HDAC9: variants seen among roughly 807,000 people sequenced by gnomAD.
HDAC9 encodes the protein MEF-2 interacting transcription repressor (MITR) protein.
Under a neutral mutation model 139.4 loss-of-function variants are expected in HDAC9, and 41 were observed. The observed-to-expected ratio is 0.29, with a 90% CI of 0.23 to 0.38. HDAC9 has a LOEUF of 0.38. Ranked by LOEUF, HDAC9 falls within the 10% of genes least tolerant of loss-of-function variation. The pLI, the probability that HDAC9 is intolerant of heterozygous loss-of-function variation, is 1.00. For missense variants in HDAC9, 1,147 were observed against 1,297.0 expected, an observed-to-expected ratio of 0.88 and a Z score of 1.78; for synonymous variants, 517 against 476.2, an observed-to-expected ratio of 1.09 and a Z score of -1.12.
intron 24 of HDAC9, among the ~76,000 whole-genome samples, chr7:18,970,592 T>C (rs1052168803): frequency 6.6e-6 from 1 of 152,176 alleles, no homozygotes; most frequent in Admixed American, 6.5e-5. Flanking sequence ...ATTTAAACAA[T>C]GTTTTGGATC....
At chr7:18,122,958 T>C (rs1784446962) in intron 1 of HDAC9, among the ~76,000 whole-genome samples, 1 of 152,208 alleles carries the variant, frequency 6.6e-6, no homozygotes, top group Non-Finnish European at 1.5e-5. Flanking sequence ...TTTTTTTCTT[T>C]ATTTGAGGGC....
chr7:18,781,196 A>C (rs1791218018), intron 16 of HDAC9, among the ~76,000 whole-genome samples: 1 of 151,898 alleles, frequency 6.6e-6, no homozygotes, highest in Non-Finnish European at 1.5e-5. Flanking sequence ...TTTAACCTTA[A>C]TTACCTTTTC....
intron 12 of HDAC9, among the ~76,000 whole-genome samples, chr7:18,687,191 A>G (rs113838716): frequency 0.016 from 2,423 of 151,926 alleles, 20 homozygotes; most frequent in Middle Eastern, 0.051. Flanking sequence ...TTCTGTATAT[A>G]CACATTTCCT....
intron 2 of HDAC9, among the ~76,000 whole-genome samples, chr7:18,180,265 A>ACACACACCCCCC (rs1554322996): frequency 1.3e-5 from 2 of 151,212 alleles, no homozygotes; most frequent in Non-Finnish European, 2.9e-5. Flanking sequence ...ACACACACAC[A>ACACACACCCCCC]CACACACACC....
chr7:18,441,829 G>A (rs1791793614), intron 1 of HDAC9, among the ~76,000 whole-genome samples: 1 of 152,112 alleles, frequency 6.6e-6, no homozygotes, highest in Non-Finnish European at 1.5e-5. Flanking sequence ...AGTGCATGGC[G>A]CCATCACAGC....
chr7:18,866,933 TC>T (rs1339855752), intron 21 of HDAC9, among the ~76,000 whole-genome samples: 1 of 152,214 alleles, frequency 6.6e-6, no homozygotes, highest in Non-Finnish European at 1.5e-5. Context: ...ATGAAATAGT[TC>T]CAGAAATCTG....
chr7:18,914,649 G>A (rs972913791), intron 22 of HDAC9, among the ~76,000 whole-genome samples: 2 of 152,030 alleles, frequency 1.3e-5, no homozygotes, highest in African/African-American at 4.8e-5. Context: ...GTCAGTATGA[G>A]CTGGCTTTAG....
intron 22 of HDAC9, among the ~76,000 whole-genome samples, chr7:18,934,106 A>G (rs1391262101): frequency 6.6e-6 from 1 of 152,180 alleles, no homozygotes; most frequent in Non-Finnish European, 1.5e-5. Context: ...CAGCAAATTT[A>G]AACAATGAAA....
At chr7:18,317,545 A>C (rs1799736728) in intron 1 of HDAC9, among the ~76,000 whole-genome samples, 2 of 152,226 alleles carry the variant, frequency 1.3e-5, no homozygotes, top group Non-Finnish European at 2.9e-5. Context: ...TGTTGACAAA[A>C]ATAGTAGAAC....
chr7:18,968,365 A>G (rs574087352), intron 24 of HDAC9, among the ~76,000 whole-genome samples: 1 of 152,346 alleles, frequency 6.6e-6, no homozygotes, highest in Non-Finnish European at 1.5e-5. Context: ...GACCCCATGT[A>G]TGAAAGAGTA....
chr7:18,908,358 CA>C (rs1388372694), intron 22 of HDAC9, among the ~76,000 whole-genome samples: 1 of 151,944 alleles, frequency 6.6e-6, no homozygotes, highest in African/African-American at 2.4e-5. Context: ...TTAACATATC[CA>C]TCACCTCAAG....
chr7:18,618,852 T>C lies in HDAC9; in HGVS notation c.665-10498T>C, dbSNP rs1454847485. On this transcript the variant is annotated intron_variant, in intron 6 of 25. Coordinates refer to ENST00000686413, the MANE Select transcript of HDAC9 (RefSeq NM_178425.4). ...GGACTTGTTTACAAGAAAAAATACA[T>C]AAACACATGTATGAATTCAGATTTC... 2.7e-5 allele frequency among the ~76,000 whole-genome samples: 4 copies of C among 150,108 alleles called. No homozygotes were observed. The East Asian group carries it at 7.8e-4, about 29-fold the overall frequency.
At chr7:18,278,089 C>A (rs546279130) in intron 2 of HDAC9, among the ~76,000 whole-genome samples, 3 of 152,176 alleles carry the variant, frequency 2.0e-5, no homozygotes, top group African/African-American at 7.2e-5. Context: ...CTCTTCCTTT[C>A]GGAAGTATTT....
chr7:18,663,534 G>T (rs1042137749), intron 11 of HDAC9, among the ~76,000 whole-genome samples: 1 of 151,822 alleles, frequency 6.6e-6, no homozygotes, highest in African/African-American at 2.4e-5. Context: ...CTTTCATCCG[G>T]TACTCAGTTC....
chr7:18,168,889 T>TGTGTGTG (rs1477545915), intron 2 of HDAC9, among the ~76,000 whole-genome samples: 13 of 118,344 alleles, frequency 1.1e-4, no homozygotes, highest in African/African-American at 4.7e-4. Flanking sequence ...GTTTTTTTTT[T>TGTGTGTG]TTTTTTTTTG....
intron 2 of HDAC9, among the ~76,000 whole-genome samples, chr7:18,581,012 TAGAA>T (rs2128780850): frequency 6.6e-6 from 1 of 152,214 alleles, no homozygotes; most frequent in South Asian, 2.1e-4. Flanking sequence ...ATGTTAAAAA[TAGAA>T]AGAATGGCTA....
Position 18,902,543 on chromosome 7 carries a change from T to G in HDAC9, c.2803+27947T>G, listed in dbSNP as rs541531394. ...AATAGAATTTTCAATATAATGAAGA[T>G]AAAGCAGTTTTGAGAACCCCCTCTA... On this transcript the variant is annotated intron_variant, in intron 22 of 25. Transcript: ENST00000686413. Among the ~76,000 whole-genome samples, 171 of 152,312 alleles carry G rather than the reference T, an allele frequency of 1.1e-3. 1 individual carries two copies. In the Middle Eastern group the frequency reaches 0.017, roughly 15 times the overall value.
chr7:18,720,473 G>A (rs942004178), intron 12 of HDAC9, among the ~76,000 whole-genome samples: 1 of 151,500 alleles, frequency 6.6e-6, no homozygotes, highest in Non-Finnish European at 1.5e-5. Flanking sequence ...AATTCAAAAT[G>A]ATAATATGTT....
chr7:18,463,095 G>A (rs1793986312), intron 1 of HDAC9, among the ~76,000 whole-genome samples: 1 of 151,866 alleles, frequency 6.6e-6, no homozygotes, highest in African/African-American at 2.4e-5. Context: ...AATTTTTCTT[G>A]AAGAGTCCTA....
Sources: gnomAD v4.1 joint callset for allele counts (sites outside exome capture counted in the v4.1 genomes callset) on GRCh38, gnomAD v4.1.1 for gene constraint, MANE v1.5 for transcripts, NCBI Gene and HGNC (gene_info 2026-07-23, HGNC 2026-07-21) for gene names.